Variants in ADGRA1 observed in about 807,000 individuals in gnomAD.
ADGRA1 encodes the protein G-protein coupled receptor 123.
ADGRA1 carries 12 observed loss-of-function variants against 21.3 expected under a neutral mutation model. The ratio of observed to expected loss-of-function variants is 0.56; its 90% confidence interval spans 0.36 to 0.91. The LOEUF is 0.91. Ranked by LOEUF, ADGRA1 falls within the 40% of genes least tolerant of loss-of-function variation. ADGRA1 has a pLI of 0.01. For missense variants in ADGRA1, 790 were observed against 805.6 expected (o/e 0.98, Z 0.23); for synonymous variants, 385 against 368.8 (o/e 1.04, Z -0.50).
chr10:133,097,083 C>A lies in ADGRA1; in HGVS notation c.113C>A (p.Thr38Asn). ...MLLCLLASFV[T>N]YIVHQSAIRI... ...CTCTGCCTCCTGGCCTCCTTCGTCA[C>A]CTACATCGTGCACCAGAGGTGAGCC... The change falls in exon 3 of 7, where the codon ACC becomes AAC. Residue 38 changes from threonine (T) to asparagine (N), a missense_variant. Coordinates refer to ENST00000392607, the MANE Select transcript of ADGRA1 (RefSeq NM_001083909.3). The A allele has an allele frequency of 6.2e-7, 1 of 1,606,802 alleles. No homozygotes were observed. The highest frequency in any genetic ancestry group is 8.5e-7 in the Non-Finnish European group (1 of 1,179,984).
intron 5 of ADGRA1, among the ~76,000 whole-genome samples, chr10:133,111,365 CA>C (rs1852001583): frequency 1.1e-5 from 1 of 93,898 alleles, no homozygotes; most frequent in Non-Finnish European, 2.0e-5. Context: ...CTCCTAATCC[CA>C]CCAGACAACC....
chr10:133,109,331 C>T (rs1356035916), intron 5 of ADGRA1, among the ~76,000 whole-genome samples: 1 of 152,106 alleles, frequency 6.6e-6, no homozygotes, highest in Admixed American at 6.5e-5. Context: ...GCCCTGACCC[C>T]AGCGGGCCTC....
At chr10:133,124,529 G>C (rs868641980) in intron 5 of ADGRA1, among the ~76,000 whole-genome samples, 1 of 152,254 alleles carries the variant, frequency 6.6e-6, no homozygotes, top group Non-Finnish European at 1.5e-5. Flanking sequence ...CTGCCCCAAC[G>C]CTGGGCACCT....
At chr10:133,107,011 C>A (rs1015356106) in intron 5 of ADGRA1, among the ~76,000 whole-genome samples, 1 of 152,264 alleles carries the variant, frequency 6.6e-6, no homozygotes, top group Non-Finnish European at 1.5e-5. Context: ...TCTTTAATTT[C>A]TTCCAGCAAA....
intron 5 of ADGRA1, among the ~76,000 whole-genome samples, chr10:133,111,919 C>A (rs368743402): frequency 0.011 from 234 of 21,764 alleles, 35 homozygotes; most frequent in African/African-American, 0.015. Context: ...GCCTCCAGAC[C>A]ACCTGCCCGC....
chr10:133,122,859 G>A (rs538558719), intron 5 of ADGRA1, among the ~76,000 whole-genome samples: 2 of 149,128 alleles, frequency 1.3e-5, no homozygotes, highest in Non-Finnish European at 3.0e-5. Context: ...CCAGGCACAC[G>A]CGTCCCCAGG....
At position 133,120,401 on chromosome 10, in the gene ADGRA1, T is replaced by C. The variant is rs377122917; in HGVS notation, c.402-6832T>C. 1.2e-4 allele frequency among the ~76,000 whole-genome samples: 19 copies of C among 152,124 alleles called. No individual in the cohort carries two copies. The East Asian group carries it at 2.5e-3, about 20-fold the overall frequency. On this transcript the variant is annotated intron_variant, in intron 5 of 6. Coordinates refer to ENST00000392607, the MANE Select transcript of ADGRA1 (RefSeq NM_001083909.3). ...GCCTGGGCGACAGAGCGAGACTCTG[T>C]CTCAAAAAAAGAAAAAAAATATATC...
At chr10:133,091,241 G>A (rs1055346442) in intron 2 of ADGRA1, among the ~76,000 whole-genome samples, 6 of 152,230 alleles carry the variant, frequency 3.9e-5, no homozygotes, top group East Asian at 1.9e-4. Context: ...CTGGGGCTGC[G>A]CTGGGTGTGG....
intron 2 of ADGRA1, among the ~76,000 whole-genome samples, chr10:133,092,238 GT>G (rs1212259913): frequency 6.6e-6 from 1 of 152,160 alleles, no homozygotes; most frequent in East Asian, 1.9e-4. Flanking sequence ...TCAGCTAGTT[GT>G]TTTTTAGTCT....
At position 133,127,289 on chromosome 10, in the gene ADGRA1, C is replaced by T. The variant is rs762922796; in HGVS notation, c.458C>T (p.Thr153Met). ...ATCATCTGTGGGGTCACGGCTGCCACGAACATCAGGAATTACGGGACAGAG... is the reference window on the plus strand; with the variant it reads ...ATCATCTGTGGGGTCACGGCTGCCATGAACATCAGGAATTACGGGACAGAG... The part of the protein sequence containing the change: ...PFIICGVTAA[T>M]NIRNYGTEDE... Residue 153 changes from threonine (T) to methionine (M), a missense_variant, in exon 6 of 7, where the codon ACG becomes ATG. By Grantham distance (81) the Thr-to-Met change is moderately conservative (BLOSUM62 -1). Coordinates refer to ENST00000392607, the MANE Select transcript of ADGRA1 (RefSeq NM_001083909.3). 6.3e-7 allele frequency: 1 copy of T among 1,599,720 alleles called. No homozygotes were observed. The highest frequency in any genetic ancestry group is 2.3e-5 in the East Asian group (1 of 43,768).
At chr10:133,120,703 G>T (rs745318518) in intron 5 of ADGRA1, among the ~76,000 whole-genome samples, 1 of 152,206 alleles carries the variant, frequency 6.6e-6, no homozygotes, top group Admixed American at 6.5e-5. Flanking sequence ...CTTCCATCCA[G>T]ACCATTAAAA....
intron 5 of ADGRA1, among the ~76,000 whole-genome samples, chr10:133,121,758 G>A (rs559042188): frequency 0.02 from 2,903 of 146,534 alleles, 39 homozygotes; most frequent in Non-Finnish European, 0.027. Flanking sequence ...GCCAGTGTGC[G>A]TGTGTGCAAG....
chr10:133,113,721 T>C (rs1852105282), intron 5 of ADGRA1, among the ~76,000 whole-genome samples: 1 of 103,542 alleles, frequency 9.7e-6, no homozygotes, highest in Admixed American at 1.5e-4. Flanking sequence ...CTTCCAAGAA[T>C]GTGGGTTCAC....
intron 3 of ADGRA1, 39 bp downstream of exon 3, chr10:133,097,140 G>T (rs1005463114): frequency 2.4e-5 from 38 of 1,599,108 alleles, no homozygotes; most frequent in Non-Finnish European, 3.2e-5. Flanking sequence ...CTGTGCCCAA[G>T]AAACCTGCTT....
At chr10:133,114,828 G>C (rs7904467) in intron 5 of ADGRA1, among the ~76,000 whole-genome samples, 1 of 152,168 alleles carries the variant, frequency 6.6e-6, no homozygotes, top group Non-Finnish European at 1.5e-5. Context: ...TCTGCTGCCC[G>C]GTCCTGCTCC....
intron 3 of ADGRA1, 61 bp downstream of exon 3, chr10:133,097,162 G>A: frequency 6.3e-7 from 1 of 1,588,802 alleles, no homozygotes. Context: ...TACCTTCAAA[G>A]GCAAGTCCCT....
Position 133,097,928 on chromosome 10 carries a change from C to CA in ADGRA1, c.132-711dup, listed in dbSNP as rs560653616. Among the ~76,000 whole-genome samples, 365 of 152,318 alleles carry CA rather than the reference C, an allele frequency of 2.4e-3. 1 individual carries two copies. The highest frequency in any genetic ancestry group is 8.0e-3 in the African/African-American group (331 of 41,570). ...TCTTTCTCAAGGTCCCTGATCCCAT[C>CA]ACCACAGCTCTGCCCAGAGGCCCCC... is the stretch of plus-strand genomic sequence containing the variant. On this transcript the variant is annotated intron_variant, in intron 3 of 6. Coordinates refer to ENST00000392607, the MANE Select transcript of ADGRA1 (RefSeq NM_001083909.3).
chr10:133,090,926 C>G (rs1319706867), intron 2 of ADGRA1, among the ~76,000 whole-genome samples: 1 of 152,232 alleles, frequency 6.6e-6, no homozygotes, highest in Non-Finnish European at 1.5e-5. Context: ...CCATGGTGCT[C>G]TACAGGATGG....
rs1564849643 is a variant in ADGRA1, at chr10:133,111,934, A to ACAACCTGCCCACCACGG, written c.401+9092_401+9093insCAACCTGCCCACCACGG. On this transcript the variant is annotated intron_variant, in intron 5 of 6. Coordinates refer to ENST00000392607, the MANE Select transcript of ADGRA1 (RefSeq NM_001083909.3). ...GCCTCCAGACCACCTGCCCGCCGTG[A>ACAACCTGCCCACCACGG]GCACCTCCCTCCTAATCCCTCCAGA... Among the ~76,000 whole-genome samples, 7 of 18,148 alleles carry ACAACCTGCCCACCACGG rather than the reference A, an allele frequency of 3.9e-4. 1 individual carries two copies. Among genetic ancestry groups the ACAACCTGCCCACCACGG allele is most frequent in the Admixed American group, 1.9e-3 (3 of 1,544 alleles). The allele number at this position is 18,148 out of a possible 152,430, so 11.9% of individuals were successfully genotyped here. A position where few individuals can be genotyped will look rare whatever the true frequency, so the allele number is the denominator to read the frequency against.
Sources: allele counts gnomAD v4.1 joint callset (sites outside exome capture counted in the v4.1 genomes callset), GRCh38; gene constraint gnomAD v4.1.1; transcripts MANE v1.5; gene names NCBI Gene and HGNC (gene_info 2026-07-23, HGNC 2026-07-21).